Variants in CSMD2 observed in about 807,000 individuals in gnomAD.
CSMD2 encodes CUB and sushi domain-containing protein 2.
Under a neutral mutation model 398.5 loss-of-function variants are expected in CSMD2, and 130 were observed. That is an observed-to-expected ratio of 0.33 (90% confidence interval 0.28 to 0.38). The LOEUF is 0.38. Ranked by LOEUF, CSMD2 falls within the 10% of genes least tolerant of loss-of-function variation. The pLI, the probability that CSMD2 is intolerant of heterozygous loss-of-function variation, is 1.00. For missense variants in CSMD2, 3,829 were observed against 4,764.9 expected (o/e 0.80, Z 5.78); for synonymous variants, 1,828 against 1,908.5 (o/e 0.96, Z 1.10).
Position 33,820,458 on chromosome 1 carries a change from A to G in CSMD2, c.1199+11T>C. The G allele has an allele frequency of 6.3e-7, 1 of 1,596,816 alleles. No homozygotes were observed. The highest frequency in any genetic ancestry group is 8.6e-7 in the Non-Finnish European group (1 of 1,164,804). On this transcript the variant is annotated intron_variant, in intron 8 of 70. Coordinates refer to ENST00000373381, the MANE Select transcript of CSMD2 (RefSeq NM_001281956.2). ...CTTCTTGCAATCAGAAAATTCCCAA[A>G]TAGATCTTACCTGAAATCCGAGCCT...
chr1:33,709,291 C>A, intron 21 of CSMD2, 33 bp from the exon 22 acceptor site: 4 of 1,581,400 alleles, frequency 2.5e-6, no homozygotes, highest in Non-Finnish European at 3.4e-6. Flanking sequence ...CATAGATTAA[C>A]CCCCATCAGC....
chr1:33,946,572 A>C (rs1570591940), intron 3 of CSMD2, among the ~76,000 whole-genome samples: 1 of 152,146 alleles, frequency 6.6e-6, no homozygotes, highest in African/African-American at 2.4e-5. Flanking sequence ...GCATGTTAAG[A>C]AAGGACAAAG....
rs1010622011 is a variant in CSMD2 at position 33,514,430 on chromosome 1, C to G, written c.*2194G>C. ...GGCGTAGATGGTGGGTGAAGGGCCT[C>G]ATCTGCCCTGTTCCCTTCCAAGCCT... On this transcript the variant is annotated 3_prime_UTR_variant, in exon 71 of 71. Transcript: ENST00000373381. 6.6e-6 allele frequency: 1 copy of G among 151,834 alleles called. No homozygotes were observed. Among genetic ancestry groups the G allele is most frequent in the Non-Finnish European group, 1.5e-5 (1 of 67,886 alleles). The allele number at this position is 151,834 out of a possible 1,614,324, so 9.4% of individuals were successfully genotyped here.
chr1:34,124,176 C>CCATT lies in CSMD2; in HGVS notation c.188-34987_188-34984dup, dbSNP rs534798443. On this transcript the variant is annotated intron_variant, in intron 1 of 70. Transcript: ENST00000373381. ...AGCTTTAGAAGATGGCACCATTTAT[C>CCATT]CATTCATTCATTCATTCATTCATCC... 6.5e-4 allele frequency among the ~76,000 whole-genome samples: 99 copies of CCATT among 152,272 alleles called. 1 individual carries two copies. The East Asian group carries it at 9.8e-3, about 15-fold the overall frequency.
intron 5 of CSMD2, among the ~76,000 whole-genome samples, chr1:33,911,079 C>G (rs1320280968): frequency 6.6e-6 from 1 of 152,150 alleles, no homozygotes; most frequent in African/African-American, 2.4e-5. Context: ...GGGTCCAGCA[C>G]AGTGCTTGGC....
intron 4 of CSMD2, among the ~76,000 whole-genome samples, chr1:33,921,703 G>A (rs531783724): frequency 6.6e-6 from 1 of 152,260 alleles, no homozygotes; most frequent in African/African-American, 2.4e-5. Flanking sequence ...CTGCTTGGGG[G>A]AAGGCCTTGA....
At chr1:33,645,243 C>T (rs1040444517) in intron 29 of CSMD2, among the ~76,000 whole-genome samples, 3 of 151,874 alleles carry the variant, frequency 2.0e-5, no homozygotes, top group Admixed American at 6.6e-5. Context: ...CATTTGTATG[C>T]TCAGGCTGAT....
intron 10 of CSMD2, among the ~76,000 whole-genome samples, chr1:33,806,439 G>A (rs2124944349): frequency 6.6e-6 from 1 of 152,244 alleles, no homozygotes; most frequent in Non-Finnish European, 1.5e-5. Context: ...AACCCTCTCT[G>A]GAAGAACCCA....
intron 44 of CSMD2, chr1:33,599,866 TTA>T (rs1467379803): frequency 2.6e-6 from 1 of 382,436 alleles, no homozygotes; most frequent in Admixed American, 4.3e-5. Context: ...TTTCACAGTC[TTA>T]GTGTGTTTCT....
intron 10 of CSMD2, among the ~76,000 whole-genome samples, chr1:33,806,585 A>G (rs1032670081): frequency 1.3e-5 from 2 of 152,212 alleles, no homozygotes; most frequent in Non-Finnish European, 2.9e-5. Flanking sequence ...AATTTGCAAA[A>G]ACTTCAGATA....
intron 5 of CSMD2, among the ~76,000 whole-genome samples, chr1:33,876,759 C>T (rs747129106): frequency 1.8e-4 from 28 of 152,112 alleles, no homozygotes; most frequent in Non-Finnish European, 3.7e-4. Context: ...TGCTCCAGAT[C>T]ATGAGCTTCA....
chr1:33,719,027 G>C (rs902320184), intron 19 of CSMD2, among the ~76,000 whole-genome samples: 1 of 152,202 alleles, frequency 6.6e-6, no homozygotes, highest in South Asian at 2.1e-4. Flanking sequence ...CAGTTTAGTG[G>C]AGAAGACAGA....
chr1:34,165,763 G>T, upstream of CSMD2: 1 of 1,614,064 alleles, frequency 6.2e-7, no homozygotes, highest in Non-Finnish European at 8.5e-7. Flanking sequence ...ATCTTGGGTG[G>T]TGGCTTTGAA....
At chr1:33,581,529 C>CAAAAAA (rs59068586) in intron 47 of CSMD2, among the ~76,000 whole-genome samples, 41 of 36,834 alleles carry the variant, frequency 1.1e-3, no homozygotes, top group South Asian at 2.7e-3. Flanking sequence ...GACTCAGTCT[C>CAAAAAA]AAAAAAAAAA....
At chr1:33,569,286 T>C (rs1659355516) in intron 52 of CSMD2, 88 bp downstream of exon 52, 1 of 1,343,348 alleles carries the variant, frequency 7.4e-7, no homozygotes, top group South Asian at 1.6e-5. Flanking sequence ...GAAATGATAC[T>C]GTTTAAAGAC....
chr1:33,584,792 G>C (rs553094430), intron 46 of CSMD2, among the ~76,000 whole-genome samples: 1 of 151,322 alleles, frequency 6.6e-6, no homozygotes, highest in African/African-American at 2.4e-5. Context: ...GAACAGAAAG[G>C]TCTCAGAACT....
intron 3 of CSMD2, among the ~76,000 whole-genome samples, chr1:33,959,591 C>T (rs1645282401): frequency 6.6e-6 from 1 of 152,158 alleles, no homozygotes; most frequent in Non-Finnish European, 1.5e-5. Context: ...CAAAGCAGCA[C>T]AGTTGCTCAC....
At chr1:33,990,810 CT>C (rs1646527569) in intron 3 of CSMD2, among the ~76,000 whole-genome samples, 2 of 152,310 alleles carry the variant, frequency 1.3e-5, no homozygotes, top group Admixed American at 1.3e-4. Flanking sequence ...ACCTCCTACC[CT>C]TTCCTGTCTC....
intron 57 of CSMD2, 124 bp from the exon 58 acceptor site, chr1:33,543,020 T>C (rs1415043142): frequency 2.9e-6 from 2 of 685,774 alleles, no homozygotes; most frequent in African/African-American, 1.8e-5. Context: ...ATGCCTCTCA[T>C]GCTGCTTTTG....
Sources: gnomAD v4.1 joint callset for allele counts (sites outside exome capture counted in the v4.1 genomes callset) on GRCh38, gnomAD v4.1.1 for gene constraint, MANE v1.5 for transcripts, NCBI Gene and HGNC (gene_info 2026-07-23, HGNC 2026-07-21) for gene names.